ZNF827: variants seen among roughly 807,000 people sequenced by gnomAD.
ZNF827 encodes the protein zinc finger protein 827.
A neutral mutation model predicts 102.4 loss-of-function variants in ZNF827; 13 were observed. The ratio of observed to expected loss-of-function variants is 0.13; its 90% confidence interval spans 0.08 to 0.20. The LOEUF is 0.20. Ranked by LOEUF, ZNF827 falls within the 10% of genes least tolerant of loss-of-function variation. The probability of loss-of-function intolerance (pLI) is 1.00; values close to 1 mark genes in which losing one functional copy is unlikely to be tolerated. For synonymous variants in ZNF827, 523 were observed against 536.2 expected, an observed-to-expected ratio of 0.98 and a Z score of 0.34; for missense variants, 1,103 against 1,344.4, an observed-to-expected ratio of 0.82 and a Z score of 2.81.
At position 145,869,517 on chromosome 4, in the gene ZNF827, T is replaced by C. The variant is rs557143467; in HGVS notation, c.1981+728A>G. 3.9e-5 allele frequency among the ~76,000 whole-genome samples: 6 copies of C among 152,330 alleles called. No homozygotes were observed. The East Asian group carries it at 1.2e-3, about 29-fold the overall frequency. On this transcript the variant is annotated intron_variant, in intron 5 of 14. Transcript: ENST00000508784. ...CAAGTATTATTATTGATATAACCTTTTTTTTCCATGTTCTGAAAGTCCTAT... is the reference window on the plus strand; with the variant it reads ...CAAGTATTATTATTGATATAACCTTCTTTTTCCATGTTCTGAAAGTCCTAT...
At chr4:145,843,306 T>G (rs530864259) in intron 7 of ZNF827, among the ~76,000 whole-genome samples, 2 of 152,176 alleles carry the variant, frequency 1.3e-5, no homozygotes, top group East Asian at 3.9e-4. Context: ...CACCATATCA[T>G]GCCGGGAGCT....
rs1287207299 is a variant in ZNF827 at position 145,761,693 on chromosome 4, C to T, written c.*18-95G>A. On this transcript the variant is annotated intron_variant, in intron 14 of 14. Transcript: ENST00000508784. This position sits in a 1 kb window ranked among gnomAD's most constrained non-coding sequence, Gnocchi z 6.8. Reference sequence around the variant, plus strand: ...TCACCAGCCTTCCCTCACACCACCCCCCAGTGTCTGAGGCCTGGCCTGCCC... The same window carrying T: ...TCACCAGCCTTCCCTCACACCACCCTCCAGTGTCTGAGGCCTGGCCTGCCC... 2.5e-6 allele frequency: 2 copies of T among 787,632 alleles called. No individual in the cohort carries two copies. Among genetic ancestry groups the T allele is most frequent in the East Asian group, 6.6e-5 (1 of 15,250 alleles). The allele number at this position is 787,632 out of a possible 1,614,324, so 48.8% of individuals were successfully genotyped here.
Position 145,865,718 on chromosome 4 carries a change from T to C in ZNF827, c.1981+4527A>G, listed in dbSNP as rs1748120865. On this transcript the variant is annotated intron_variant, in intron 5 of 14. Coordinates refer to ENST00000508784, the MANE Select transcript of ZNF827 (RefSeq NM_001306215.2). ...AATACTGAAATGACAGCAACCACCATAATTATTCCTGGACCTTTTGTGGTT... is the reference window on the plus strand; with the variant it reads ...AATACTGAAATGACAGCAACCACCACAATTATTCCTGGACCTTTTGTGGTT... 3.3e-5 allele frequency among the ~76,000 whole-genome samples: 5 copies of C among 152,190 alleles called. No homozygotes were observed. In the South Asian group the frequency reaches 1.0e-3, roughly 32 times the overall value.
rs570368749 is a variant in ZNF827, at chr4:145,841,280, C to T, written c.2279+4676G>A. ...ACTCTAGGGTTCCATTTTCCTATCT[C>T]GATCTTATCCAGCATCTGGCTGGGT... is the stretch of plus-strand genomic sequence containing the variant. On this transcript the variant is annotated intron_variant, in intron 7 of 14. Transcript: ENST00000508784. 5.3e-5 allele frequency among the ~76,000 whole-genome samples: 8 copies of T among 152,284 alleles called. No individual in the cohort carries two copies. The South Asian group carries it at 6.2e-4, about 12-fold the overall frequency.
intron 3 of ZNF827, among the ~76,000 whole-genome samples, chr4:145,888,266 T>C (rs990280272): frequency 1.3e-5 from 2 of 152,236 alleles, no homozygotes; most frequent in Non-Finnish European, 2.9e-5. Flanking sequence ...CTCTATCCTC[T>C]GACTGCAGTT....
intron 8 of ZNF827, among the ~76,000 whole-genome samples, chr4:145,817,783 C>G (rs1742736407): frequency 6.6e-6 from 1 of 152,184 alleles, no homozygotes; most frequent in Non-Finnish European, 1.5e-5. Context: ...TGGGCTAGGA[C>G]CAAACCCAAG....
rs1358454832 is a variant in ZNF827 at position 145,846,820 on chromosome 4, C to T, written c.2222-807G>A. The stretch of plus-strand genomic sequence containing the variant: ...CAACAGAGCAAGACTCTGTCTCAAA[C>T]AAACAAACAAACAAAAACACAACAA... On this transcript the variant is annotated intron_variant, in intron 6 of 14. Transcript: ENST00000508784. Among the ~76,000 whole-genome samples the T allele has an allele frequency of 3.5e-5, 5 of 144,110 alleles. 1 individual carries two copies. Among genetic ancestry groups the T allele is most frequent in the African/African-American group, 1.3e-4 (5 of 38,690 alleles). 94.5% of individuals were successfully genotyped at this position (144,110 alleles called of 152,430 possible).
intron 8 of ZNF827, among the ~76,000 whole-genome samples, chr4:145,822,579 A>C (rs2126487034): frequency 6.6e-6 from 1 of 152,266 alleles, no homozygotes; most frequent in South Asian, 2.1e-4. Flanking sequence ...TTCCTGGACA[A>C]ATGAATGTGG....
intron 2 of ZNF827, among the ~76,000 whole-genome samples, chr4:145,892,874 A>G (rs548188288): frequency 6.6e-6 from 1 of 152,378 alleles, no homozygotes; most frequent in South Asian, 2.1e-4. Context: ...CACATGGGAC[A>G]GAGAATAATG....
intron 7 of ZNF827, 73 bp downstream of exon 7, chr4:145,845,883 C>G (rs891361257): frequency 6.7e-6 from 10 of 1,491,752 alleles, no homozygotes; most frequent in Non-Finnish European, 8.4e-6. Context: ...GTTTGGGGAG[C>G]AACGTTCAAC....
chr4:145,850,810 T>C (rs940104280), intron 5 of ZNF827, among the ~76,000 whole-genome samples: 2 of 151,768 alleles, frequency 1.3e-5, no homozygotes, highest in Non-Finnish European at 2.9e-5. Flanking sequence ...ACAGATAGAG[T>C]AGTGGGTTGA....
intron 5 of ZNF827, among the ~76,000 whole-genome samples, chr4:145,864,315 G>A (rs1418310964): frequency 6.7e-6 from 1 of 148,926 alleles, no homozygotes; most frequent in Non-Finnish European, 1.5e-5. Context: ...TGTAATCCCA[G>A]TACTTTGTGA....
intron 7 of ZNF827, chr4:145,833,245 T>C (rs939173163): frequency 6.4e-5 from 10 of 155,250 alleles, no homozygotes; most frequent in Admixed American, 2.6e-4. Flanking sequence ...CACAATTCAA[T>C]CTCTCCCTTC....
At chr4:145,891,454 G>A (rs1262926695) in intron 3 of ZNF827, among the ~76,000 whole-genome samples, 3 of 152,114 alleles carry the variant, frequency 2.0e-5, no homozygotes, top group Non-Finnish European at 2.9e-5. Flanking sequence ...TTGCATTAAC[G>A]GAGTCAGCTA....
chr4:145,808,551 A>G (rs1741710031), intron 8 of ZNF827, among the ~76,000 whole-genome samples: 1 of 152,230 alleles, frequency 6.6e-6, no homozygotes, highest in Non-Finnish European at 1.5e-5. Flanking sequence ...GATAGGAAAG[A>G]GGTTCTGTAG....
intron 2 of ZNF827, among the ~76,000 whole-genome samples, chr4:145,895,399 T>C (rs1388638270): frequency 3.9e-5 from 6 of 152,218 alleles, no homozygotes; most frequent in Admixed American, 6.5e-5. Flanking sequence ...TCCATTTAGC[T>C]ATGCTTCCTT....
intron 11 of ZNF827, among the ~76,000 whole-genome samples, chr4:145,773,393 G>A (rs930812524): frequency 5.9e-5 from 9 of 152,194 alleles, no homozygotes; most frequent in African/African-American, 1.9e-4. Context: ...AAAGTGGCCA[G>A]AGAAACACAG....
At chr4:145,777,012 T>A (rs1398914700) in intron 9 of ZNF827, among the ~76,000 whole-genome samples, 1 of 152,184 alleles carries the variant, frequency 6.6e-6, no homozygotes, top group Non-Finnish European at 1.5e-5. Context: ...AAAGAACAAC[T>A]CCAGTGTTCT....
At chr4:145,832,010 C>T (rs1474394403) in intron 7 of ZNF827, 1 of 152,206 alleles carries the variant, frequency 6.6e-6, no homozygotes. Context: ...CTCCTGTAAT[C>T]CCAGCACTTT....
Sources: gnomAD v4.1 joint callset for allele counts (sites outside exome capture counted in the v4.1 genomes callset) on GRCh38, gnomAD v4.1.1 for gene constraint, Gnocchi (gnomAD v3.1) non-coding constraint, MANE v1.5 for transcripts, NCBI Gene and HGNC (gene_info 2026-07-23, HGNC 2026-07-21) for gene names.